Variants in POC1A observed in about 807,000 individuals in gnomAD.
POC1A encodes POC1 centriolar protein A.
POC1A carries 34 observed loss-of-function variants against 47.8 expected under a neutral mutation model. The ratio of observed to expected loss-of-function variants is 0.71; its 90% CI spans 0.54 to 0.95. The LOEUF (loss-of-function observed/expected upper bound fraction) is 0.95, where lower values mean the gene tolerates loss of function less well. POC1A is among the 40% of genes least tolerant of loss of function. The probability of loss-of-function intolerance (pLI) is 0.00; values close to 1 mark genes in which losing one functional copy is unlikely to be tolerated. For missense variants in POC1A, 466 were observed against 528.3 expected (o/e 0.88, Z 1.16); for synonymous variants, 177 against 207.6 (o/e 0.85, Z 1.27).
At chr3:52,122,176 T>C (rs1703804051) in intron 9 of POC1A, among the ~76,000 whole-genome samples, 2 of 152,240 alleles carry the variant, frequency 1.3e-5, no homozygotes, top group South Asian at 4.1e-4. Flanking sequence ...TAACAGCCTC[T>C]TTGTGTCTTA....
intron 10 of POC1A, among the ~76,000 whole-genome samples, chr3:52,083,657 T>C (rs1021045665): frequency 6.6e-6 from 1 of 152,164 alleles, no homozygotes; most frequent in Non-Finnish European, 1.5e-5. Flanking sequence ...TTCCACTCTG[T>C]GTTTGGTGAG....
rs189217879 is a variant in POC1A at position 52,146,356 on chromosome 3, C to T, written c.564-395G>A. ...CAGGTGGGAAGGTCCAGCAGGACTA[C>T]AGGGCCATTGGCCCACCCCTTTCTA... On this transcript the variant is annotated intron_variant, in intron 5 of 10. Transcript: ENST00000296484. Among the ~76,000 whole-genome samples the T allele has an allele frequency of 1.4e-3, 213 of 152,374 alleles. 2 individuals carry two copies. Among genetic ancestry groups the T allele is most frequent in the Admixed American group, 3.7e-3 (56 of 15,304 alleles).
At chr3:52,110,948 G>A (rs1703358497) in intron 9 of POC1A, among the ~76,000 whole-genome samples, 2 of 152,216 alleles carry the variant, frequency 1.3e-5, no homozygotes, top group South Asian at 2.1e-4. Context: ...AGCTCTCAAA[G>A]GAGTGTGTGT....
intron 6 of POC1A, among the ~76,000 whole-genome samples, chr3:52,145,388 G>A (rs1378285637): frequency 6.6e-6 from 1 of 152,158 alleles, no homozygotes; most frequent in Non-Finnish European, 1.5e-5. Context: ...GACCAGAGGT[G>A]GCCACGGTCC....
At chr3:52,143,684 T>C (rs2164558) in intron 6 of POC1A, among the ~76,000 whole-genome samples, 2,187 of 152,246 alleles carry the variant, frequency 0.014, 100 homozygotes, top group East Asian at 0.12. Flanking sequence ...CCCACTCTGA[T>C]GCCAGCCCCT....
At chr3:52,147,574 C>A (rs780271977) in intron 4 of POC1A, among the ~76,000 whole-genome samples, 1 of 151,996 alleles carries the variant, frequency 6.6e-6, no homozygotes, top group African/African-American at 2.4e-5. Flanking sequence ...GCTGGGACTA[C>A]AGGCGTGCAC....
intron 6 of POC1A, among the ~76,000 whole-genome samples, chr3:52,143,668 C>G (rs982341925): frequency 6.6e-6 from 1 of 152,198 alleles, no homozygotes; most frequent in African/African-American, 2.4e-5. Context: ...CCTCTGCAAC[C>G]CATCCCCCAC....
chr3:52,096,239 CA>C (rs753960143), intron 10 of POC1A, among the ~76,000 whole-genome samples: 1 of 152,264 alleles, frequency 6.6e-6, no homozygotes, highest in Non-Finnish European at 1.5e-5. Context: ...CATGCCCCTG[CA>C]GTGCCCATCC....
At chr3:52,088,374 C>T (rs1702531660) in intron 10 of POC1A, among the ~76,000 whole-genome samples, 2 of 152,232 alleles carry the variant, frequency 1.3e-5, no homozygotes, top group Admixed American at 1.3e-4. Context: ...ATAATTGCTT[C>T]CCAAATGCCA....
At chr3:52,097,252 G>C (rs1702849458) in intron 9 of POC1A, among the ~76,000 whole-genome samples, 1 of 152,230 alleles carries the variant, frequency 6.6e-6, no homozygotes, top group Non-Finnish European at 1.5e-5. Flanking sequence ...GTGTGGCGGG[G>C]AGAGGGGTGT....
intron 7 of POC1A, 131 bp from the exon 8 acceptor site, chr3:52,125,312 T>A: frequency 1.4e-6 from 1 of 716,070 alleles, no homozygotes; most frequent in Non-Finnish European, 2.3e-6. Context: ...CAGCCCACAG[T>A]CCTCCGTAAC....
chr3:52,107,910 T>C (rs1201547398), intron 9 of POC1A, among the ~76,000 whole-genome samples: 1 of 152,230 alleles, frequency 6.6e-6, no homozygotes, highest in Middle Eastern at 3.2e-3. Context: ...GTTTTTCTAC[T>C]AATGTGCTTA....
intron 8 of POC1A, among the ~76,000 whole-genome samples, chr3:52,123,710 A>C (rs920160): frequency 0.1 from 15,276 of 152,314 alleles, 1,366 homozygotes; most frequent in East Asian, 0.36. Context: ...TCATGAATGC[A>C]AATAGACAAT....
intron 9 of POC1A, among the ~76,000 whole-genome samples, chr3:52,107,021 C>G (rs1022349186): frequency 4.6e-5 from 7 of 152,248 alleles, no homozygotes; most frequent in Non-Finnish European, 1.0e-4. Flanking sequence ...AGAGGTCTAT[C>G]TTACTGAAGT....
chr3:52,103,667 G>T lies in POC1A; in HGVS notation c.982-6955C>A, dbSNP rs187306516. On this transcript the variant is annotated intron_variant, in intron 9 of 10. Transcript: ENST00000296484. Reference sequence around the variant, plus strand: ...GACACCTAAAGTATGATCCATAAAAGAAAAAATTGATAAAATGAACTTCAA... The same window carrying T: ...GACACCTAAAGTATGATCCATAAAATAAAAAATTGATAAAATGAACTTCAA... Among the ~76,000 whole-genome samples, 990 of 152,186 alleles carry T rather than the reference G, an allele frequency of 6.5e-3. 12 individuals are homozygous for T. Among genetic ancestry groups the T allele is most frequent in the African/African-American group, 0.023 (942 of 41,520 alleles).
chr3:52,077,528 T>C (rs1444458497), intron 10 of POC1A, among the ~76,000 whole-genome samples: 1 of 152,162 alleles, frequency 6.6e-6, no homozygotes, highest in Non-Finnish European at 1.5e-5. Context: ...TTGCTGCCCA[T>C]GGAACACAAA....
intron 10 of POC1A, among the ~76,000 whole-genome samples, chr3:52,080,251 G>A (rs1005811240): frequency 6.6e-6 from 1 of 152,168 alleles, no homozygotes; most frequent in African/African-American, 2.4e-5. Context: ...TAAAGCACTG[G>A]GTAGTGTGCA....
rs1272764772 is a variant in POC1A, at chr3:52,075,353, C to T, written c.*534G>A. On this transcript the variant is annotated 3_prime_UTR_variant, in exon 11 of 11. Coordinates refer to ENST00000296484, the MANE Select transcript of POC1A (RefSeq NM_015426.5). ...AACACGTGTGGAACAGAAATCAGGGCCACTGAAAAGCCACCACCCACTTGA... is the reference window on the plus strand; with the variant it reads ...AACACGTGTGGAACAGAAATCAGGGTCACTGAAAAGCCACCACCCACTTGA... 1 of 154,804 alleles carries T rather than the reference C, an allele frequency of 6.5e-6. No individual in the cohort carries two copies. The highest frequency in any genetic ancestry group is 1.4e-5 in the Non-Finnish European group (1 of 69,448). 9.6% of individuals were successfully genotyped at this position (154,804 alleles called of 1,614,324 possible).
At chr3:52,140,051 C>A (rs1428619673) in intron 6 of POC1A, among the ~76,000 whole-genome samples, 2 of 152,204 alleles carry the variant, frequency 1.3e-5, no homozygotes, top group African/African-American at 2.4e-5. Context: ...TCAAAACCAA[C>A]CGTCATCTTA....
Sources: allele counts gnomAD v4.1 joint callset (sites outside exome capture counted in the v4.1 genomes callset), GRCh38; gene constraint gnomAD v4.1.1; transcripts MANE v1.5; gene names NCBI Gene and HGNC (gene_info 2026-07-23, HGNC 2026-07-21).